CSNK1G1: variants seen among roughly 807,000 people sequenced by gnomAD.
The protein encoded by CSNK1G1 is casein kinase I isoform gamma-1.
Under a neutral mutation model 59.6 loss-of-function variants are expected in CSNK1G1, and 22 were observed. The ratio of observed to expected loss-of-function variants is 0.37; its 90% CI spans 0.26 to 0.53. CSNK1G1 has a LOEUF of 0.53. Among genes scored for constraint, CSNK1G1 ranks in the 20% least tolerant of loss-of-function variants. The pLI is 0.89. For synonymous variants in CSNK1G1, 179 were observed against 177.1 expected (o/e 1.01, Z -0.08); for missense variants, 384 against 519.5 (o/e 0.74, Z 2.54).
chr15:64,336,331 G>A (rs1299082237), intron 1 of CSNK1G1, among the ~76,000 whole-genome samples: 2 of 152,152 alleles, frequency 1.3e-5, no homozygotes, highest in African/African-American at 4.8e-5. Flanking sequence ...AAGTGTATAA[G>A]CCACACTCTA....
intron 1 of CSNK1G1, among the ~76,000 whole-genome samples, chr15:64,325,712 C>T (rs1322158797): frequency 6.6e-6 from 1 of 152,168 alleles, no homozygotes; most frequent in African/African-American, 2.4e-5. Context: ...GCATACCAGG[C>T]ACTATGCAAG....
At chr15:64,205,502 G>C (rs962878976) in intron 7 of CSNK1G1, among the ~76,000 whole-genome samples, 3 of 152,232 alleles carry the variant, frequency 2.0e-5, no homozygotes, top group Non-Finnish European at 4.4e-5. Context: ...GTGTATGTCA[G>C]TAACTCAAAA....
At chr15:64,250,766 GA>G (rs58211977) in intron 4 of CSNK1G1, among the ~76,000 whole-genome samples, 3 of 147,724 alleles carry the variant, frequency 2.0e-5, no homozygotes, top group African/African-American at 2.5e-5. Flanking sequence ...AAGAAAGAAA[GA>G]AAAAAAAAAT....
intron 10 of CSNK1G1, among the ~76,000 whole-genome samples, chr15:64,199,429 T>G (rs1371948009): frequency 6.6e-6 from 1 of 152,176 alleles, no homozygotes; most frequent in African/African-American, 2.4e-5. Context: ...ACATTGAAAT[T>G]CACTACTCAG....
chr15:64,199,250 C>CAAAAAAAAAAAAAAAAAAAAAA (rs56819260), intron 10 of CSNK1G1, among the ~76,000 whole-genome samples: 2 of 52,346 alleles, frequency 3.8e-5, no homozygotes, highest in Non-Finnish European at 7.4e-5. Context: ...AATCTTTTCT[C>CAAAAAAAAAAAAAAAAAAAAAA]AAAAAAAAAA....
intron 10 of CSNK1G1, among the ~76,000 whole-genome samples, chr15:64,193,769 A>G (rs890021441): frequency 1.4e-4 from 22 of 152,218 alleles, no homozygotes; most frequent in African/African-American, 5.3e-4. Flanking sequence ...ACCACCCTAG[A>G]AGTCTGCAAT....
At chr15:64,184,609 G>A (rs1289511231) in intron 10 of CSNK1G1, among the ~76,000 whole-genome samples, 3 of 150,816 alleles carry the variant, frequency 2.0e-5, no homozygotes, top group African/African-American at 4.9e-5. Flanking sequence ...CCTGGGAGGC[G>A]GACGTTGTAG....
intron 2 of CSNK1G1, among the ~76,000 whole-genome samples, chr15:64,273,704 A>G (rs1158271535): frequency 2.6e-5 from 4 of 151,744 alleles, no homozygotes; most frequent in South Asian, 2.1e-4. Context: ...CATAAAATAC[A>G]TGAACACTAA....
intron 4 of CSNK1G1, among the ~76,000 whole-genome samples, chr15:64,219,101 C>T (rs540196822): frequency 1.8e-4 from 27 of 152,088 alleles, no homozygotes; most frequent in Admixed American, 3.9e-4. Context: ...GTGATCCGCC[C>T]GCCTCAGCCT....
intron 10 of CSNK1G1, among the ~76,000 whole-genome samples, chr15:64,195,501 G>A (rs917477608): frequency 2.6e-5 from 4 of 152,238 alleles, no homozygotes; most frequent in Non-Finnish European, 4.4e-5. Context: ...GAAGAGTGCT[G>A]CTGCATGCAC....
At chr15:64,251,630 T>TG in intron 3 of CSNK1G1, 49 bp from the exon 4 acceptor site, 2 of 1,372,490 alleles carry the variant, frequency 1.5e-6, no homozygotes, top group Non-Finnish European at 2.1e-6. Context: ...AAATGGGATT[T>TG]TTCCATTCTT....
At chr15:64,257,453 T>TA (rs1220381018) in intron 3 of CSNK1G1, among the ~76,000 whole-genome samples, 2 of 152,044 alleles carry the variant, frequency 1.3e-5, no homozygotes, top group African/African-American at 4.8e-5. Flanking sequence ...ACAGAAAAAG[T>TA]AAAAAAAGCA....
At chr15:64,241,579 T>A (rs981745714) in intron 4 of CSNK1G1, among the ~76,000 whole-genome samples, 1 of 152,044 alleles carries the variant, frequency 6.6e-6, no homozygotes, top group African/African-American at 2.4e-5. Flanking sequence ...TTTCAAAAAA[T>A]TTAAAATAAA....
chr15:64,183,381 T>A (rs947366501), intron 10 of CSNK1G1, among the ~76,000 whole-genome samples: 3 of 152,198 alleles, frequency 2.0e-5, no homozygotes, highest in African/African-American at 7.2e-5. Flanking sequence ...TTAAACTTAA[T>A]TGTACCAAAA....
At chr15:64,187,189 A>T (rs1347517845) in intron 10 of CSNK1G1, among the ~76,000 whole-genome samples, 1 of 148,696 alleles carries the variant, frequency 6.7e-6, no homozygotes. Flanking sequence ...TGTCCAATCC[A>T]TCATGGTTTT....
chr15:64,291,142 A>C (rs1042991637), intron 2 of CSNK1G1, among the ~76,000 whole-genome samples: 3 of 152,258 alleles, frequency 2.0e-5, no homozygotes, highest in African/African-American at 7.2e-5. Flanking sequence ...TTACAAATAT[A>C]TATCAATGTT....
intron 3 of CSNK1G1, among the ~76,000 whole-genome samples, chr15:64,258,114 C>A (rs961964132): frequency 3.5e-4 from 53 of 152,026 alleles, no homozygotes; most frequent in African/African-American, 1.3e-3. Flanking sequence ...GTGGTAAGTG[C>A]AATTCATTAG....
intron 4 of CSNK1G1, among the ~76,000 whole-genome samples, chr15:64,224,246 T>C (rs1406684892): frequency 6.6e-6 from 1 of 152,226 alleles, no homozygotes; most frequent in East Asian, 1.9e-4. Context: ...GCCCCATCAA[T>C]AGTAATAGTT....
chr15:64,310,802 C>T (rs1489122285), intron 1 of CSNK1G1, among the ~76,000 whole-genome samples: 2 of 151,712 alleles, frequency 1.3e-5, no homozygotes, highest in Non-Finnish European at 2.9e-5. Flanking sequence ...GTCAGGAGAT[C>T]GAGACCATCC....
Sources: gnomAD v4.1 joint callset for allele counts (sites outside exome capture counted in the v4.1 genomes callset) on GRCh38, gnomAD v4.1.1 for gene constraint, MANE v1.5 for transcripts, NCBI Gene and HGNC (gene_info 2026-07-23, HGNC 2026-07-21) for gene names.